The following STK38L variants were observed in gnomAD, a reference collection of about 807,000 sequenced individuals.
The protein encoded by STK38L is serine/threonine-protein kinase 38-like.
Under a neutral mutation model 59.7 loss-of-function variants are expected in STK38L, and 28 were observed. That is an observed-to-expected ratio of 0.47 (90% CI 0.35 to 0.64). STK38L has a LOEUF of 0.64. Ranked by LOEUF, STK38L falls within the 30% of genes least tolerant of loss-of-function variation. The pLI is 0.01. For missense variants in STK38L, 314 were observed against 555.8 expected (o/e 0.56, Z 4.37); for synonymous variants, 162 against 176.8 (o/e 0.92, Z 0.66).
At chr12:27,263,389 G>A (rs1943242143) in intron 1 of STK38L, among the ~76,000 whole-genome samples, 1 of 151,128 alleles carries the variant, frequency 6.6e-6, no homozygotes, top group African/African-American at 2.4e-5. Context: ...ATTCACTCCA[G>A]TTAAAGAACT....
intron 3 of STK38L, among the ~76,000 whole-genome samples, chr12:27,306,606 T>G (rs1944318735): frequency 6.6e-6 from 1 of 152,086 alleles, no homozygotes. Flanking sequence ...CCACATTTGT[T>G]TTCTTAATTA....
At chr12:27,312,504 T>C in intron 5 of STK38L, 45 bp from the exon 6 acceptor site, 1 of 1,599,088 alleles carries the variant, frequency 6.3e-7, no homozygotes, top group South Asian at 1.1e-5. Flanking sequence ...TTAACAAATG[T>C]GTGATGTATT....
intron 1 of STK38L, among the ~76,000 whole-genome samples, chr12:27,263,764 C>A (rs1223565131): frequency 6.6e-6 from 1 of 152,168 alleles, no homozygotes; most frequent in Admixed American, 6.5e-5. Flanking sequence ...CAGAATAAGG[C>A]GTGGCTCCTG....
chr12:27,275,604 G>A (rs1363955671), intron 1 of STK38L, among the ~76,000 whole-genome samples: 1 of 152,144 alleles, frequency 6.6e-6, no homozygotes, highest in Non-Finnish European at 1.5e-5. Context: ...CTCCCAAACT[G>A]TTGGGATTAC....
At chr12:27,302,860 A>G (rs1450822158) in intron 3 of STK38L, among the ~76,000 whole-genome samples, 1 of 151,878 alleles carries the variant, frequency 6.6e-6, no homozygotes, top group Non-Finnish European at 1.5e-5. Flanking sequence ...TACAAAAAAA[A>G]AAATTAGCCA....
intron 1 of STK38L, among the ~76,000 whole-genome samples, chr12:27,247,656 C>T (rs1461731): frequency 1.3e-5 from 2 of 151,932 alleles, no homozygotes; most frequent in African/African-American, 2.4e-5. Flanking sequence ...GGAATGTTTG[C>T]GTCTTTGTAT....
chr12:27,261,112 T>C (rs1295977635), intron 1 of STK38L, among the ~76,000 whole-genome samples: 5 of 152,256 alleles, frequency 3.3e-5, no homozygotes, highest in Admixed American at 3.3e-4. Context: ...CTTCCATTTA[T>C]CATCGAATTT....
chr12:27,271,461 G>T (rs1943421416), intron 1 of STK38L, among the ~76,000 whole-genome samples: 1 of 152,198 alleles, frequency 6.6e-6, no homozygotes, highest in Non-Finnish European at 1.5e-5. Flanking sequence ...ATGAGTGGAT[G>T]CTGGCCTCTG....
chr12:27,266,966 G>A (rs138450807), intron 1 of STK38L, among the ~76,000 whole-genome samples: 4 of 152,234 alleles, frequency 2.6e-5, no homozygotes, highest in African/African-American at 7.2e-5. Context: ...AGAAAAAAGC[G>A]TTTTGTAGAA....
intron 1 of STK38L, among the ~76,000 whole-genome samples, chr12:27,247,954 A>T (rs1239432985): frequency 6.6e-6 from 1 of 151,582 alleles, no homozygotes; most frequent in Non-Finnish European, 1.5e-5. Context: ...AGCTCGGACT[A>T]CAGGTGTGCA....
At chr12:27,259,600 A>C (rs1943162087) in intron 1 of STK38L, among the ~76,000 whole-genome samples, 1 of 152,220 alleles carries the variant, frequency 6.6e-6, no homozygotes, top group Non-Finnish European at 1.5e-5. Context: ...ATTCAAGTGT[A>C]GAATTTTTAA....
intron 1 of STK38L, among the ~76,000 whole-genome samples, chr12:27,266,040 C>T (rs1278964276): frequency 6.6e-6 from 1 of 152,122 alleles, no homozygotes; most frequent in African/African-American, 2.4e-5. Flanking sequence ...GTTTGACTCC[C>T]TGTGATACCC....
intron 1 of STK38L, among the ~76,000 whole-genome samples, chr12:27,291,075 T>G (rs371328787): frequency 1.4e-4 from 21 of 152,196 alleles, no homozygotes; most frequent in African/African-American, 4.8e-4. Flanking sequence ...GTTAGGAGAA[T>G]TAAATGCTTC....
intron 1 of STK38L, among the ~76,000 whole-genome samples, chr12:27,277,235 T>C (rs1397502507): frequency 1.7e-5 from 2 of 114,980 alleles, no homozygotes; most frequent in African/African-American, 5.6e-5. Context: ...TACGAGTAAT[T>C]ACTCGTACTT....
rs957259919 is a variant in STK38L, at chr12:27,323,544, A to G, written c.*1089A>G. On this transcript the variant is annotated 3_prime_UTR_variant, in exon 14 of 14. Coordinates refer to ENST00000389032, the MANE Select transcript of STK38L (RefSeq NM_015000.4). ...CATTATTTTCTTATGCTCCAAATGT[A>G]CCAAAGATCTTGAACAGAGTGGATG... The G allele has an allele frequency of 7.2e-5, 11 of 152,496 alleles. No individual in the cohort carries two copies. Among genetic ancestry groups the G allele is most frequent in the African/African-American group, 2.2e-4 (9 of 41,422 alleles). 9.4% of individuals were successfully genotyped at this position (152,496 alleles called of 1,614,324 possible). A position where few individuals can be genotyped will look rare whatever the true frequency, so the allele number is the denominator to read the frequency against.
intron 1 of STK38L, among the ~76,000 whole-genome samples, chr12:27,255,264 A>C (rs1943068261): frequency 6.6e-6 from 1 of 152,226 alleles, no homozygotes; most frequent in Non-Finnish European, 1.5e-5. Context: ...CCAAGAGTGT[A>C]ACTGGACCCA....
At chr12:27,297,619 T>G in intron 1 of STK38L, 91 bp from the exon 2 acceptor site, 2 of 1,375,012 alleles carry the variant, frequency 1.5e-6, no homozygotes, top group Non-Finnish European at 1.9e-6. Context: ...GTCGAATTTT[T>G]CTTAGTTGAA....
intron 1 of STK38L, among the ~76,000 whole-genome samples, chr12:27,272,653 C>T (rs1231081741): frequency 6.6e-6 from 1 of 152,222 alleles, no homozygotes; most frequent in Non-Finnish European, 1.5e-5. Flanking sequence ...GTGGGATCAT[C>T]TTGTCAACAG....
At chr12:27,304,295 A>G (rs1944254914) in intron 3 of STK38L, among the ~76,000 whole-genome samples, 1 of 150,290 alleles carries the variant, frequency 6.7e-6, no homozygotes, top group Non-Finnish European at 1.5e-5. Context: ...TTCTATATTT[A>G]AAGAGTAGAC....
Sources: gnomAD v4.1 joint callset for allele counts (sites outside exome capture counted in the v4.1 genomes callset) on GRCh38, gnomAD v4.1.1 for gene constraint, MANE v1.5 for transcripts, NCBI Gene and HGNC (gene_info 2026-07-23, HGNC 2026-07-21) for gene names.